The following SAMSN1 variants were observed in gnomAD, a reference collection of about 807,000 sequenced individuals.
SAMSN1 encodes the protein SAM domain-containing protein SAMSN-1.
Under a neutral mutation model 42.0 loss-of-function variants are expected in SAMSN1, and 31 were observed. The ratio of observed to expected loss-of-function variants is 0.74; its 90% CI spans 0.55 to 1.00. The LOEUF is 1.00. Ranked by LOEUF, SAMSN1 falls within the 50% of genes least tolerant of loss-of-function variation. The probability of loss-of-function intolerance (pLI) is 0.00; values close to 1 mark genes in which losing one functional copy is unlikely to be tolerated. For missense variants in SAMSN1, 464 were observed against 439.4 expected (o/e 1.06, Z -0.50); for synonymous variants, 178 against 151.9 (o/e 1.17, Z -1.26).
intron 2 of SAMSN1, among the ~76,000 whole-genome samples, chr21:14,629,282 A>G (rs1003006285): frequency 6.6e-6 from 1 of 152,212 alleles, no homozygotes; most frequent in African/African-American, 2.4e-5. Context: ...TAAAGGTATT[A>G]ATTATTTTGT....
At chr21:14,510,150 A>G (rs950144845) in intron 5 of SAMSN1, among the ~76,000 whole-genome samples, 160 bp downstream of exon 5, 2 of 151,962 alleles carry the variant, frequency 1.3e-5, no homozygotes. Flanking sequence ...AAAAGAAAAA[A>G]AAAAAAGAAA....
intron 3 of SAMSN1, among the ~76,000 whole-genome samples, chr21:14,514,945 G>GA (rs1231767583): frequency 6.6e-6 from 1 of 152,104 alleles, no homozygotes; most frequent in Non-Finnish European, 1.5e-5. Context: ...CTTAAGGGGA[G>GA]AATGTAGATT....
chr21:14,501,236 T>C (rs1008615232), intron 5 of SAMSN1, among the ~76,000 whole-genome samples: 7 of 152,244 alleles, frequency 4.6e-5, no homozygotes, highest in Non-Finnish European at 1.0e-4. Context: ...GACATGTTTC[T>C]GTTTCTGTTA....
intron 1 of SAMSN1, among the ~76,000 whole-genome samples, chr21:14,528,654 A>T (rs1187479707): frequency 6.6e-6 from 1 of 152,196 alleles, no homozygotes; most frequent in Non-Finnish European, 1.5e-5. Flanking sequence ...CATATGTCCA[A>T]TTATTTCTCC....
rs73161240 is a variant in SAMSN1, at chr21:14,535,224, T to A, written c.57+10981A>T. Among the ~76,000 whole-genome samples the A allele has an allele frequency of 8.3e-3, 1,263 of 152,324 alleles. 14 individuals carry two copies. The highest frequency in any genetic ancestry group is 0.031 in the Middle Eastern group (9 of 294). ...ATGATTTTTGCTATTATTTTTAATA[T>A]GCAGCCAGAAAGCATGGGTCAAGGG... On this transcript the variant is annotated intron_variant, in intron 1 of 7. Transcript: ENST00000400566.
chr21:14,487,085 T>G (rs1336155189), intron 7 of SAMSN1, among the ~76,000 whole-genome samples: 2 of 152,086 alleles, frequency 1.3e-5, no homozygotes, highest in African/African-American at 4.8e-5. Flanking sequence ...TACCATATCT[T>G]CCTCTTTCCC....
chr21:14,597,115 C>G (rs1343505335), intron 6 of SAMSN1, among the ~76,000 whole-genome samples: 1 of 152,056 alleles, frequency 6.6e-6, no homozygotes, highest in East Asian at 1.9e-4. Context: ...ATTTTGGACT[C>G]TTTTTGTTTG....
Position 14,485,613 on chromosome 21 carries a change from T to C in SAMSN1, c.*299A>G. ...CTTTGTTTTTTGCAGATACTGTACT[T>C]GTAAAATAAAGCCAAATAAAGCATA... On this transcript the variant is annotated 3_prime_UTR_variant, in exon 8 of 8. Transcript: ENST00000400566. 1 of 216,518 alleles carries C rather than the reference T, an allele frequency of 4.6e-6. No homozygotes were observed. The highest frequency in any genetic ancestry group is 1.1e-4 in the East Asian group (1 of 9,390). The allele number at this position is 216,518 out of a possible 1,614,324, so 13.4% of individuals were successfully genotyped here.
intron 1 of SAMSN1, among the ~76,000 whole-genome samples, chr21:14,654,564 A>C (rs1983886148): frequency 6.6e-6 from 1 of 152,016 alleles, no homozygotes; most frequent in South Asian, 2.1e-4. Flanking sequence ...CTATGGTAGC[A>C]ACCACTGCTA....
At chr21:14,644,958 G>A (rs542518164) in intron 1 of SAMSN1, among the ~76,000 whole-genome samples, 52 of 152,248 alleles carry the variant, frequency 3.4e-4, no homozygotes, top group Non-Finnish European at 5.4e-4. Flanking sequence ...GAGAAGAGTG[G>A]GAAGGCTGGT....
At chr21:14,558,704 C>A (rs1262748160) in intron 2 of SAMSN1, among the ~76,000 whole-genome samples, 5 of 151,836 alleles carry the variant, frequency 3.3e-5, no homozygotes, top group Admixed American at 6.6e-5. Flanking sequence ...ACAAAAACAA[C>A]AACAACAACA....
At chr21:14,620,806 ATAGT>A (rs1277095662) in intron 2 of SAMSN1, among the ~76,000 whole-genome samples, 2 of 152,194 alleles carry the variant, frequency 1.3e-5, no homozygotes, top group Non-Finnish European at 2.9e-5. Flanking sequence ...TTGTTTATTA[ATAGT>A]TAGATAGAAT....
Position 14,485,748 on chromosome 21 carries a change from A to ATGTT in SAMSN1, c.*160_*163dup. Reference sequence around the variant, plus strand: ...TATATTTTATTGACAGTAATTTGGAATGTTAGAGATACAAAATTTTATGTA... The same window carrying ATGTT: ...TATATTTTATTGACAGTAATTTGGAATGTTTGTTAGAGATACAAAATTTTATGTA... On this transcript the variant is annotated 3_prime_UTR_variant, in exon 8 of 8. Transcript: ENST00000400566. The ATGTT allele has an allele frequency of 1.8e-6, 1 of 546,292 alleles. No individual in the cohort carries two copies. The highest frequency in any genetic ancestry group is 1.9e-5 in the African/African-American group (1 of 53,326). 33.8% of individuals were successfully genotyped at this position (546,292 alleles called of 1,614,324 possible).
At chr21:14,552,487 C>T (rs1001443444) in intron 2 of SAMSN1, among the ~76,000 whole-genome samples, 1 of 152,010 alleles carries the variant, frequency 6.6e-6, no homozygotes, top group African/African-American at 2.4e-5. Context: ...AGAGAGACAT[C>T]CCTTCACTCC....
At chr21:14,629,431 G>A (rs1983266539) in intron 2 of SAMSN1, among the ~76,000 whole-genome samples, 1 of 152,138 alleles carries the variant, frequency 6.6e-6, no homozygotes, top group Admixed American at 6.6e-5. Context: ...CTGTAATAAT[G>A]TTATGGTTCT....
In SAMSN1 at chr21:14,577,284, A is replaced by ATAT. The variant is rs1460040142; in HGVS notation, c.261+4851_261+4852insATA. Among the ~76,000 whole-genome samples, 115 of 53,812 alleles carry ATAT rather than the reference A, an allele frequency of 2.1e-3. 2 individuals carry two copies. The highest frequency in any genetic ancestry group is 2.8e-3 in the Non-Finnish European group (82 of 29,536). The allele number at this position is 53,812 out of a possible 152,430, so 35.3% of individuals were successfully genotyped here. A position where few individuals can be genotyped will look rare whatever the true frequency, so the allele number is the denominator to read the frequency against. On this transcript the variant is annotated intron_variant, in intron 2 of 8. Coordinates refer to the SAMSN1 transcript ENST00000285670. ...TATATATATATATATATATATATAT[A>ATAT]TTTTTTTTTTAGAAGAGACAGGGTT...
At chr21:14,588,420 CTT>C (rs1274182630) in intron 7 of SAMSN1, among the ~76,000 whole-genome samples, 2 of 147,254 alleles carry the variant, frequency 1.4e-5, no homozygotes, top group Non-Finnish European at 3.0e-5. Flanking sequence ...TGTTTCCTGA[CTT>C]TTTAATGATC....
At chr21:14,558,128 C>T (rs1327596715) in intron 2 of SAMSN1, among the ~76,000 whole-genome samples, 7 of 152,148 alleles carry the variant, frequency 4.6e-5, no homozygotes, top group African/African-American at 7.2e-5. Flanking sequence ...TTAGGCCTAT[C>T]GCTAGCACTA....
At chr21:14,492,785 G>A (rs1392358489) in intron 7 of SAMSN1, among the ~76,000 whole-genome samples, 1 of 152,182 alleles carries the variant, frequency 6.6e-6, no homozygotes, top group Non-Finnish European at 1.5e-5. Flanking sequence ...AAAGAAATCT[G>A]AAGAAATTAA....
Sources: allele counts gnomAD v4.1 joint callset (sites outside exome capture counted in the v4.1 genomes callset), GRCh38; gene constraint gnomAD v4.1.1; transcripts MANE v1.5; gene names NCBI Gene and HGNC (gene_info 2026-07-23, HGNC 2026-07-21).